SPAG9: variants seen among roughly 807,000 people sequenced by gnomAD.
SPAG9 encodes sperm associated antigen 9, also known as C-Jun-amino-terminal kinase-interacting protein 4.
In SPAG9, 35 loss-of-function variants were observed where a neutral mutation model predicts 166.5. That is an observed-to-expected ratio of 0.21 (90% CI 0.16 to 0.28). SPAG9 has a LOEUF of 0.28. SPAG9 is among the 10% of genes least tolerant of loss of function. SPAG9 has a pLI of 1.00. For synonymous variants in SPAG9, 534 were observed against 565.5 expected, an observed-to-expected ratio of 0.94 and a Z score of 0.79; for missense variants, 1,235 against 1,603.3, an observed-to-expected ratio of 0.77 and a Z score of 3.92.
intron 1 of SPAG9, among the ~76,000 whole-genome samples, chr17:51,110,240 C>G (rs1255001677): frequency 6.6e-6 from 1 of 152,094 alleles, no homozygotes; most frequent in Admixed American, 6.6e-5. Flanking sequence ...CATATACAGA[C>G]AGATAAATAA....
chr17:51,003,758 T>C (rs1195546577), intron 12 of SPAG9, among the ~76,000 whole-genome samples: 1 of 152,182 alleles, frequency 6.6e-6, no homozygotes, highest in African/African-American at 2.4e-5. Context: ...TGTTGTTCTG[T>C]TATAGAAACT....
rs1023973447 is a variant in SPAG9 at position 50,975,141 on chromosome 17, G to C, written c.3524-194C>G. The C allele has an allele frequency of 3.7e-5, 19 of 514,834 alleles. No individual in the cohort carries two copies. In the South Asian group the frequency reaches 5.1e-4, roughly 14 times the overall value. 31.9% of individuals were successfully genotyped at this position (514,834 alleles called of 1,614,324 possible). A position where few individuals can be genotyped will look rare whatever the true frequency, so the allele number is the denominator to read the frequency against. On this transcript the variant is annotated intron_variant, in intron 27 of 29. Coordinates refer to ENST00000262013, the MANE Select transcript of SPAG9 (RefSeq NM_001130528.3). ...ATGCTAGTTATTTTTAAGTACCTCA[G>C]TAAATGGAGTAGGGGATTTTGCCAG...
At chr17:51,082,992 CTA>C (rs543837883) in intron 1 of SPAG9, among the ~76,000 whole-genome samples, 41 of 152,270 alleles carry the variant, frequency 2.7e-4, no homozygotes, top group African/African-American at 9.1e-4. Context: ...TTCTTAAACT[CTA>C]AAAACCTAGC....
At chr17:51,089,461 G>A (rs971746501) in intron 1 of SPAG9, among the ~76,000 whole-genome samples, 60 of 149,752 alleles carry the variant, frequency 4.0e-4, no homozygotes, top group African/African-American at 1.3e-3. Flanking sequence ...AAAAGAAGTC[G>A]ACAGGTGCAC....
intron 1 of SPAG9, among the ~76,000 whole-genome samples, chr17:51,097,655 T>C (rs1369962103): frequency 1.3e-5 from 2 of 152,172 alleles, no homozygotes; most frequent in African/African-American, 2.4e-5. Context: ...GTGTTGTCGG[T>C]AGTCTTGGGG....
Position 51,079,556 on chromosome 17 carries a change from T to A in SPAG9, c.424+28A>T. 3 of 1,609,606 alleles carry A rather than the reference T, an allele frequency of 1.9e-6. No individual in the cohort carries two copies. In the South Asian group the frequency reaches 3.3e-5, roughly 18 times the overall value. On this transcript the variant is annotated intron_variant, in intron 2 of 29. Coordinates refer to ENST00000262013, the MANE Select transcript of SPAG9 (RefSeq NM_001130528.3). ...GTCTGGCCAAGCCCAATCTTTAGTG[T>A]ACTTATGAGAAGAAATGTTTTACTT... is the stretch of plus-strand genomic sequence containing the variant.
intron 24 of SPAG9, among the ~76,000 whole-genome samples, chr17:50,983,530 G>C (rs1301188056): frequency 6.6e-6 from 1 of 152,132 alleles, no homozygotes; most frequent in Non-Finnish European, 1.5e-5. Context: ...AACTCATATT[G>C]AGTTTATAGT....
At chr17:50,990,048 G>A in intron 20 of SPAG9, 176 bp from the exon 21 acceptor site, 1 of 628,510 alleles carries the variant, frequency 1.6e-6, no homozygotes, top group Non-Finnish European at 2.7e-6. Context: ...TTTTTTTTGA[G>A]ACAGAGTCTT....
At chr17:51,064,140 CATTAAA>C (rs1568054241) in intron 2 of SPAG9, among the ~76,000 whole-genome samples, 1 of 152,084 alleles carries the variant, frequency 6.6e-6, no homozygotes, top group Non-Finnish European at 1.5e-5. Context: ...TTATCTTTCC[CATTAAA>C]ATTAAACAGA....
intron 12 of SPAG9, among the ~76,000 whole-genome samples, chr17:51,002,818 C>T (rs200534286): frequency 2.6e-5 from 4 of 152,038 alleles, no homozygotes; most frequent in East Asian, 3.9e-4. Flanking sequence ...GGGCCAGGCA[C>T]GATGGTCCAC....
intron 9 of SPAG9, among the ~76,000 whole-genome samples, chr17:51,010,711 A>C (rs907943873): frequency 5.3e-5 from 8 of 151,914 alleles, no homozygotes; most frequent in Admixed American, 5.3e-4. Context: ...TCATTCACTA[A>C]AACAGTGCCT....
At chr17:51,073,010 C>A (rs2047866214) in intron 2 of SPAG9, among the ~76,000 whole-genome samples, 1 of 151,938 alleles carries the variant, frequency 6.6e-6, no homozygotes, top group South Asian at 2.1e-4. Flanking sequence ...GGCAACATGG[C>A]AAAACCCTGG....
Position 51,021,351 on chromosome 17 carries a change from A to G in SPAG9, c.798T>C (p.Asp266=). Residue 266 remains aspartate, a synonymous_variant, in exon 7 of 30, where the codon GAT becomes GAC. Coordinates refer to ENST00000262013, the MANE Select transcript of SPAG9 (RefSeq NM_001130528.3). ...KAVEQEDELS[D]VSQGGSKATT... ...TAGCTTTAGATCCGCCTTGGCTAAC[A>G]TCAGAAAGCTCATCCTACAAATAAA... 6.2e-7 allele frequency: 1 copy of G among 1,609,268 alleles called. No individual in the cohort carries two copies. The highest frequency in any genetic ancestry group is 1.3e-5 in the African/African-American group (1 of 74,982).
chr17:51,075,751 G>A (rs1459289772), intron 2 of SPAG9, among the ~76,000 whole-genome samples: 1 of 152,064 alleles, frequency 6.6e-6, no homozygotes, highest in East Asian at 1.9e-4. Flanking sequence ...TTGAGCCTGG[G>A]AGTTCAAGGA....
intron 3 of SPAG9, among the ~76,000 whole-genome samples, chr17:51,053,690 A>C (rs76717724): frequency 0.1 from 14,855 of 147,330 alleles, 1,398 homozygotes; most frequent in African/African-American, 0.24. Flanking sequence ...ATCACACACA[A>C]AAAAAAAAAT....
Position 50,999,562 on chromosome 17 carries a change from A to G in SPAG9, c.1664+99T>C. ...CCCCTAGTTTAAAAAAAAAAAATGA[A>G]GGAAAGAAAATGGACATAAAATCAT... On this transcript the variant is annotated intron_variant, in intron 14 of 29. Transcript: ENST00000262013. 4 of 1,447,536 alleles carry G rather than the reference A, an allele frequency of 2.8e-6. No individual in the cohort carries two copies. In the South Asian group the frequency reaches 5.1e-5, roughly 19 times the overall value. The allele number at this position is 1,447,536 out of a possible 1,614,324, so 89.7% of individuals were successfully genotyped here.
intron 1 of SPAG9, among the ~76,000 whole-genome samples, chr17:51,103,265 G>A (rs983240381): frequency 1.2e-4 from 18 of 152,240 alleles, no homozygotes; most frequent in Admixed American, 7.2e-4. Flanking sequence ...ATTATCTACT[G>A]CATCCTAGTT....
intron 1 of SPAG9, among the ~76,000 whole-genome samples, chr17:51,083,517 G>T (rs186517660): frequency 1.3e-5 from 2 of 151,264 alleles, no homozygotes; most frequent in African/African-American, 4.8e-5. Context: ...AATTACAAGC[G>T]TGAGCCACCA....
At chr17:51,061,612 CAAAAA>C (rs34010166) in intron 2 of SPAG9, among the ~76,000 whole-genome samples, 2 of 31,726 alleles carry the variant, frequency 6.3e-5, no homozygotes, top group African/African-American at 2.1e-4. Context: ...GCTCTGTCTC[CAAAAA>C]AAAAAAAAAA....
Sources: gnomAD v4.1 joint callset for allele counts (sites outside exome capture counted in the v4.1 genomes callset) on GRCh38, gnomAD v4.1.1 for gene constraint, MANE v1.5 for transcripts, NCBI Gene and HGNC (gene_info 2026-07-23, HGNC 2026-07-21) for gene names.